The following SBF2 variants were observed in gnomAD, a reference collection of about 807,000 sequenced individuals.
SBF2 encodes the protein SET binding factor 2.
Under a neutral mutation model 225.2 loss-of-function variants are expected in SBF2, and 112 were observed. That is an observed-to-expected ratio of 0.50 (90% CI 0.43 to 0.58). The LOEUF is 0.58. SBF2 is among the 20% of genes least tolerant of loss of function. The pLI is 0.00. For missense variants in SBF2, 1,996 were observed against 2,206.2 expected (o/e 0.90, Z 1.91); for synonymous variants, 763 against 773.3 (o/e 0.99, Z 0.22).
At chr11:9,996,932 C>T (rs1305784582) in intron 9 of SBF2, among the ~76,000 whole-genome samples, 1 of 152,158 alleles carries the variant, frequency 6.6e-6, no homozygotes, top group East Asian at 1.9e-4. Flanking sequence ...ATGTGATTCT[C>T]AATAATACCA....
At chr11:10,185,188 C>A (rs922489107) in intron 2 of SBF2, among the ~76,000 whole-genome samples, 23 of 152,086 alleles carry the variant, frequency 1.5e-4, no homozygotes, top group African/African-American at 5.3e-4. Flanking sequence ...ATTCAGGTTG[C>A]TTCCACCATT....
chr11:9,834,009 T>A (rs1193642052), intron 26 of SBF2, among the ~76,000 whole-genome samples: 1 of 151,456 alleles, frequency 6.6e-6, no homozygotes, highest in African/African-American at 2.4e-5. Context: ...CCTCAGGTGA[T>A]CCACCTGCCT....
At chr11:10,008,173 G>A (rs1227218906) in intron 6 of SBF2, among the ~76,000 whole-genome samples, 2 of 152,146 alleles carry the variant, frequency 1.3e-5, no homozygotes, top group African/African-American at 4.8e-5. Flanking sequence ...ATGTTCCTCT[G>A]GTAGAAGGGA....
intron 26 of SBF2, chr11:9,839,120 C>T: frequency 3.3e-6 from 1 of 299,340 alleles, no homozygotes; most frequent in South Asian, 3.3e-5. Flanking sequence ...AAATATTTAC[C>T]AACTGACCCT....
At chr11:9,780,715 G>T in intron 39 of SBF2, 199 bp from the exon 40 acceptor site, 1 of 612,118 alleles carries the variant, frequency 1.6e-6, no homozygotes, top group Admixed American at 2.4e-5. Context: ...GTTGATAGAA[G>T]GGTACTGGCA....
intron 16 of SBF2, among the ~76,000 whole-genome samples, chr11:9,924,839 T>A (rs1393648101): frequency 2.0e-5 from 3 of 151,970 alleles, no homozygotes; most frequent in Non-Finnish European, 2.9e-5. Context: ...GCCTCCACCT[T>A]CCAGGCTCAG....
chr11:10,132,971 T>C (rs562262051), intron 2 of SBF2, among the ~76,000 whole-genome samples: 5 of 148,386 alleles, frequency 3.4e-5, no homozygotes, highest in Non-Finnish European at 5.9e-5. Context: ...GATTGGTGCA[T>C]TCACAAACCT....
intron 6 of SBF2, among the ~76,000 whole-genome samples, chr11:10,010,961 G>C (rs1227590012): frequency 1.3e-5 from 2 of 152,116 alleles, no homozygotes; most frequent in Non-Finnish European, 2.9e-5. Context: ...CACATCCCTT[G>C]TAAGTTGTAT....
chr11:10,084,644 G>GT (rs2134882406), intron 2 of SBF2, among the ~76,000 whole-genome samples: 1 of 152,288 alleles, frequency 6.6e-6, no homozygotes, highest in East Asian at 1.9e-4. Context: ...TATGTTTATT[G>GT]TAGCACTATT....
At chr11:10,051,063 A>T (rs2134714081) in intron 2 of SBF2, among the ~76,000 whole-genome samples, 1 of 152,240 alleles carries the variant, frequency 6.6e-6, no homozygotes, top group African/African-American at 2.4e-5. Context: ...CATATAGACA[A>T]TATAAGAGAA....
Position 9,797,259 on chromosome 11 carries a change from G to A in SBF2, c.4444-1302C>T, listed in dbSNP as rs1012439239. Among the ~76,000 whole-genome samples, 4 of 152,158 alleles carry A rather than the reference G, an allele frequency of 2.6e-5. No homozygotes were observed. In the East Asian group the frequency reaches 7.7e-4, roughly 29 times the overall value. ...AATGGGAATTTAAAGTCGTGATCTG[G>A]ATATCATTGATTTATCAAAATTTAT... On this transcript the variant is annotated intron_variant, in intron 32 of 39. Coordinates refer to ENST00000256190, the MANE Select transcript of SBF2 (RefSeq NM_030962.4).
chr11:10,274,678 G>C (rs750951291), intron 1 of SBF2, among the ~76,000 whole-genome samples: 1 of 151,028 alleles, frequency 6.6e-6, no homozygotes, highest in Non-Finnish European at 1.5e-5. Flanking sequence ...TTGAACCTAG[G>C]AGGTGGAGAT....
Position 9,789,223 on chromosome 11 carries a change from G to T in SBF2, c.4818C>A (p.Ser1606=). 1 of 1,614,160 alleles carries T rather than the reference G, an allele frequency of 6.2e-7. No homozygotes were observed. Among genetic ancestry groups the T allele is most frequent in the Non-Finnish European group, 8.5e-7 (1 of 1,180,014 alleles). Residue 1606 remains serine (S), a synonymous_variant, in exon 35 of 40, where the codon TCC becomes TCA. Transcript: ENST00000256190. ...WMMLTPKHFP[S]EDSDLAGEAG... ...CTTCTCCAGCCAGGTCAGAGTCTTC[G>T]GAGGGGAAGTGCTTGGGGGTTAGCA...
At chr11:9,814,054 C>T (rs1024064788) in intron 29 of SBF2, among the ~76,000 whole-genome samples, 4 of 152,062 alleles carry the variant, frequency 2.6e-5, no homozygotes, top group African/African-American at 9.7e-5. Flanking sequence ...AGTACTTTCT[C>T]ATTTACATCT....
intron 3 of SBF2, among the ~76,000 whole-genome samples, chr11:10,038,338 T>C (rs1949526662): frequency 6.6e-6 from 1 of 151,974 alleles, no homozygotes; most frequent in South Asian, 2.1e-4. Flanking sequence ...TAAAATAGAA[T>C]GAAATAAAGT....
At chr11:10,244,925 C>T (rs1959620061) in intron 1 of SBF2, among the ~76,000 whole-genome samples, 1 of 151,802 alleles carries the variant, frequency 6.6e-6, no homozygotes, top group South Asian at 2.1e-4. Context: ...CACTTGAGCT[C>T]AGAAGTTCAC....
At chr11:10,027,486 A>T (rs1052305765) in intron 6 of SBF2, among the ~76,000 whole-genome samples, 2 of 152,178 alleles carry the variant, frequency 1.3e-5, no homozygotes, top group African/African-American at 2.4e-5. Flanking sequence ...GGGAAGCAAG[A>T]GGGTAGAATT....
At chr11:9,997,294 T>A (rs1186045719) in intron 9 of SBF2, among the ~76,000 whole-genome samples, 1 of 152,222 alleles carries the variant, frequency 6.6e-6, no homozygotes, top group South Asian at 2.1e-4. Context: ...AATTTTCTGA[T>A]CATAAGCACC....
intron 8 of SBF2, 27 bp from the exon 9 acceptor site, chr11:9,998,406 T>C: frequency 1.6e-6 from 2 of 1,230,528 alleles, no homozygotes; most frequent in Non-Finnish European, 2.4e-6. Flanking sequence ...AATTAACCTA[T>C]AATTACCAAA....
Sources: allele counts gnomAD v4.1 joint callset (sites outside exome capture counted in the v4.1 genomes callset), GRCh38; gene constraint gnomAD v4.1.1; transcripts MANE v1.5; gene names NCBI Gene and HGNC (gene_info 2026-07-23, HGNC 2026-07-21).